Variants in KIF16B observed in about 807,000 individuals in gnomAD.
KIF16B encodes the protein kinesin-like protein KIF16B.
A neutral mutation model predicts 156.3 loss-of-function variants in KIF16B; 98 were observed. That is an observed-to-expected ratio of 0.63 (90% CI 0.53 to 0.74). The LOEUF is 0.74. Among genes scored for constraint, KIF16B ranks in the 30% least tolerant of loss-of-function variants. The pLI, the probability that KIF16B is intolerant of heterozygous loss-of-function variation, is 0.00. For synonymous variants in KIF16B, 564 were observed against 583.7 expected (o/e 0.97, Z 0.49); for missense variants, 1,421 against 1,606.5 (o/e 0.88, Z 1.97).
chr20:16,274,033 T>C (rs978338624), intron 25 of KIF16B, among the ~76,000 whole-genome samples: 2 of 151,050 alleles, frequency 1.3e-5, no homozygotes, highest in African/African-American at 4.9e-5. Flanking sequence ...AAAAAAGTCA[T>C]TTCCTCCCCG....
At chr20:16,381,528 CAAAAA>C (rs11306679) in intron 18 of KIF16B, among the ~76,000 whole-genome samples, 161 bp downstream of exon 18, 1 of 122,750 alleles carries the variant, frequency 8.1e-6, no homozygotes. Context: ...CCATCTACTC[CAAAAA>C]AAAAAAAAAA....
intron 23 of KIF16B, among the ~76,000 whole-genome samples, chr20:16,341,936 G>A (rs964380536): frequency 2.0e-5 from 3 of 152,206 alleles, no homozygotes; most frequent in African/African-American, 7.2e-5. Flanking sequence ...CCCAGACAAC[G>A]TGTGAATAAA....
At chr20:16,497,223 C>A (rs1220853650) in intron 11 of KIF16B, among the ~76,000 whole-genome samples, 1 of 152,214 alleles carries the variant, frequency 6.6e-6, no homozygotes, top group East Asian at 1.9e-4. Flanking sequence ...TGCCACTCTT[C>A]CCACTGGGAA....
chr20:16,376,044 T>G lies in KIF16B; in HGVS notation c.3198-1635A>C, dbSNP rs367735096. Among the ~76,000 whole-genome samples the G allele has an allele frequency of 2.6e-5, 4 of 152,328 alleles. No homozygotes were observed. In the South Asian group the frequency reaches 8.3e-4, roughly 32 times the overall value. ...ACCACTGCAGGCTTCAGCTTCCTCA[T>G]GTGTAAACTGTAGACGATGGCACCC... On this transcript the variant is annotated intron_variant, in intron 19 of 25. Transcript: ENST00000354981.
In KIF16B at chr20:16,540,694, T is replaced by C. The variant is rs114287468; in HGVS notation, c.48-12254A>G. On this transcript the variant is annotated intron_variant, in intron 1 of 25. Coordinates refer to ENST00000354981, the MANE Select transcript of KIF16B (RefSeq NM_024704.5). ...CAAAACTAGTCCCAGTACCCCTTTC[T>C]CACAAAGCATTCTAATACCCTGGCT... is the stretch of plus-strand genomic sequence containing the variant. 5.7e-3 allele frequency among the ~76,000 whole-genome samples: 873 copies of C among 152,272 alleles called. 7 individuals carry two copies. The highest frequency in any genetic ancestry group is 0.02 in the African/African-American group (832 of 41,538).
At chr20:16,505,422 A>G (rs895208538) in intron 9 of KIF16B, among the ~76,000 whole-genome samples, 1 of 152,158 alleles carries the variant, frequency 6.6e-6, no homozygotes, top group African/African-American at 2.4e-5. Context: ...TTGTGTTCCT[A>G]TGATTTTTCT....
At position 16,430,175 on chromosome 20, in the gene KIF16B, C is replaced by T. The variant is rs766529266; in HGVS notation, c.1303-193G>A. Among the ~76,000 whole-genome samples the T allele has an allele frequency of 7.2e-5, 11 of 152,220 alleles. No individual in the cohort carries two copies. In the South Asian group the frequency reaches 1.0e-3, roughly 14 times the overall value. On this transcript the variant is annotated intron_variant, in intron 12 of 25. Coordinates refer to ENST00000354981, the MANE Select transcript of KIF16B (RefSeq NM_024704.5). ...AAGTGAACTTGGAACTTATAAAAAG[C>T]GAAATATAAAACGAATTAAACTCAT...
At chr20:16,421,982 G>A (rs1221360295) in intron 15 of KIF16B, among the ~76,000 whole-genome samples, 3 of 152,022 alleles carry the variant, frequency 2.0e-5, no homozygotes, top group South Asian at 2.1e-4. Flanking sequence ...AGGAAAAGTC[G>A]TATCTTCAAT....
At chr20:16,410,444 A>G (rs1196193364) in intron 15 of KIF16B, among the ~76,000 whole-genome samples, 1 of 151,576 alleles carries the variant, frequency 6.6e-6, no homozygotes, top group Non-Finnish European at 1.5e-5. Context: ...TGGAGTTCTG[A>G]TTATTTTTTG....
chr20:16,439,168 A>G (rs2066726235), intron 12 of KIF16B, among the ~76,000 whole-genome samples: 2 of 151,956 alleles, frequency 1.3e-5, no homozygotes, highest in Admixed American at 1.3e-4. Context: ...ACAGAGCTCT[A>G]CCCGCATGAT....
chr20:16,469,435 C>T (rs893913424), intron 12 of KIF16B, among the ~76,000 whole-genome samples: 2 of 150,954 alleles, frequency 1.3e-5, no homozygotes, highest in Non-Finnish European at 2.9e-5. Flanking sequence ...ATATTTTAAA[C>T]TAAATGAAAA....
intron 22 of KIF16B, chr20:16,369,407 G>T: frequency 2.5e-6 from 1 of 402,202 alleles, no homozygotes; most frequent in Non-Finnish European, 3.4e-6. Flanking sequence ...CATTTGTATT[G>T]ATACATGATT....
intron 3 of KIF16B, among the ~76,000 whole-genome samples, chr20:16,521,914 C>A (rs1395205860): frequency 1.3e-5 from 2 of 152,130 alleles, no homozygotes; most frequent in Non-Finnish European, 2.9e-5. Flanking sequence ...TCATATCCAG[C>A]CAAACTAAGC....
intron 19 of KIF16B, among the ~76,000 whole-genome samples, chr20:16,374,737 A>T (rs570568033): frequency 6.6e-6 from 1 of 152,298 alleles, no homozygotes; most frequent in South Asian, 2.1e-4. Context: ...CTGCTTCAAA[A>T]AGAGTTGGTT....
intron 25 of KIF16B, among the ~76,000 whole-genome samples, chr20:16,309,936 T>C (rs534293552): frequency 1.3e-5 from 2 of 152,324 alleles, no homozygotes; most frequent in East Asian, 3.9e-4. Context: ...GTCTCCAGCA[T>C]GTAGTAAGGA....
intron 12 of KIF16B, among the ~76,000 whole-genome samples, chr20:16,457,920 C>T (rs1189240851): frequency 1.3e-5 from 2 of 151,908 alleles, no homozygotes; most frequent in African/African-American, 2.4e-5. Flanking sequence ...TCTAACAAAA[C>T]TACAACTTGC....
At chr20:16,475,468 C>T (rs6111153) in intron 12 of KIF16B, among the ~76,000 whole-genome samples, 57,541 of 151,948 alleles carry the variant, frequency 0.38, 12,488 homozygotes, top group African/African-American at 0.6. Flanking sequence ...CTAACTGTGA[C>T]AGTACATTCT....
rs549254066 is a variant in KIF16B, at chr20:16,288,211, C to T, written c.3796-14800G>A. ...TCTTATGCAGCTACCATGCTGGGCACAAAGACATCAAAGCACTGTGGTTTG... is the reference window on the plus strand; with the variant it reads ...TCTTATGCAGCTACCATGCTGGGCATAAAGACATCAAAGCACTGTGGTTTG... On this transcript the variant is annotated intron_variant, in intron 25 of 25. Coordinates refer to ENST00000354981, the MANE Select transcript of KIF16B (RefSeq NM_024704.5). 1.4e-4 allele frequency among the ~76,000 whole-genome samples: 21 copies of T among 152,306 alleles called. No individual in the cohort carries two copies. The South Asian group carries it at 4.4e-3, about 32-fold the overall frequency.
intron 17 of KIF16B, among the ~76,000 whole-genome samples, chr20:16,392,136 G>T (rs2065382201): frequency 6.6e-6 from 1 of 152,126 alleles, no homozygotes; most frequent in South Asian, 2.1e-4. Context: ...CCTTTATTTT[G>T]TTCCCAGCCC....
Sources: allele counts gnomAD v4.1 joint callset (sites outside exome capture counted in the v4.1 genomes callset), GRCh38; gene constraint gnomAD v4.1.1; transcripts MANE v1.5; gene names NCBI Gene and HGNC (gene_info 2026-07-23, HGNC 2026-07-21).